MTCL1: variants seen among roughly 807,000 people sequenced by gnomAD.
The protein encoded by MTCL1 is microtubule crosslinking factor 1.
Under a neutral mutation model 141.4 loss-of-function variants are expected in MTCL1, and 79 were observed. The observed-to-expected ratio is 0.56, with a 90% CI of 0.47 to 0.67. The LOEUF (loss-of-function observed/expected upper bound fraction) is 0.67, where lower values mean the gene tolerates loss of function less well. MTCL1 is among the 30% of genes least tolerant of loss of function. The pLI is 0.00. For missense variants in MTCL1, 2,177 were observed against 2,113.9 expected, an observed-to-expected ratio of 1.03 and a Z score of -0.59; for synonymous variants, 914 against 875.8, an observed-to-expected ratio of 1.04 and a Z score of -0.77.
At chr18:8,768,118 C>T (rs1311867289) in intron 4 of MTCL1, among the ~76,000 whole-genome samples, 1 of 152,076 alleles carries the variant, frequency 6.6e-6, no homozygotes, top group Non-Finnish European at 1.5e-5. Context: ...AAACAGATAG[C>T]AAAAAGAGTT....
In MTCL1 at chr18:8,792,983, T is replaced by C. The variant is rs1327074838; in HGVS notation, c.1888-15T>C. ...CTCATTTCCACTAAACCCCTTCCTT[T>C]ATCCCACCGATCAGCTCAGGGGCCC... On this transcript the variant is annotated splice_polypyrimidine_tract_variant and intron_variant, in intron 7 of 16. Coordinates refer to ENST00000359865, the Ensembl canonical transcript of MTCL1. 1.9e-6 allele frequency: 3 copies of C among 1,612,916 alleles called. No individual in the cohort carries two copies. The highest frequency in any genetic ancestry group is 2.5e-6 in the Non-Finnish European group (3 of 1,179,608).
chr18:8,761,333 G>A (rs1320756830), intron 4 of MTCL1, among the ~76,000 whole-genome samples: 1 of 152,154 alleles, frequency 6.6e-6, no homozygotes, highest in Non-Finnish European at 1.5e-5. Flanking sequence ...TTTTTATTGT[G>A]ATAAATACAC....
chr18:8,808,616 A>G (rs888446648), intron 11 of MTCL1, among the ~76,000 whole-genome samples: 5 of 152,224 alleles, frequency 3.3e-5, no homozygotes, highest in African/African-American at 9.6e-5. Flanking sequence ...ATGCTAGCTC[A>G]TTTGTAATAA....
intron 12 of MTCL1, among the ~76,000 whole-genome samples, chr18:8,815,793 A>G (rs2076636311): frequency 6.6e-6 from 1 of 152,144 alleles, no homozygotes; most frequent in South Asian, 2.1e-4. Flanking sequence ...TGACAGCCTC[A>G]GAACCCAGTC....
At chr18:8,827,714 CG>C (rs1169704937) in intron 15 of MTCL1, among the ~76,000 whole-genome samples, 2 of 152,148 alleles carry the variant, frequency 1.3e-5, no homozygotes, top group African/African-American at 4.8e-5. Flanking sequence ...AAGCATTAAC[CG>C]GCTGTGTCTG....
At chr18:8,767,710 C>A (rs1041212780) in intron 4 of MTCL1, among the ~76,000 whole-genome samples, 1 of 151,520 alleles carries the variant, frequency 6.6e-6, no homozygotes, top group South Asian at 2.1e-4. Flanking sequence ...TTGCATTACG[C>A]TAGGTCAATT....
At chr18:8,818,370 T>C (rs531840359) in intron 12 of MTCL1, among the ~76,000 whole-genome samples, 1 of 152,078 alleles carries the variant, frequency 6.6e-6, no homozygotes, top group Non-Finnish European at 1.5e-5. Context: ...CACTCAGTCA[T>C]ACCAGATCTT....
chr18:8,750,388 C>T (rs375286307), intron 4 of MTCL1, among the ~76,000 whole-genome samples: 3 of 152,198 alleles, frequency 2.0e-5, no homozygotes, highest in South Asian at 4.1e-4. Context: ...ACTGCCTAAG[C>T]GAAATATGCC....
At chr18:8,824,090 A>G (rs2076934419) in intron 14 of MTCL1, among the ~76,000 whole-genome samples, 1 of 152,194 alleles carries the variant, frequency 6.6e-6, no homozygotes, top group African/African-American at 2.4e-5. Context: ...AGGCACAGGC[A>G]GCCCCAGCCC....
chr18:8,809,744 A>G, intron 11 of MTCL1: 1 of 872,612 alleles, frequency 1.1e-6, no homozygotes, highest in Admixed American at 2.9e-5. Context: ...GCGATGGGCC[A>G]TCACTGAGAC....
chr18:8,769,684 GGCCAGGCT>G (rs896925748), intron 4 of MTCL1, among the ~76,000 whole-genome samples: 25 of 152,158 alleles, frequency 1.6e-4, no homozygotes, highest in African/African-American at 4.8e-4. Context: ...TCCACTTGCT[GGCCAGGCT>G]GTTGCCTTTG....
At chr18:8,747,418 G>C (rs1191488048) in intron 4 of MTCL1, among the ~76,000 whole-genome samples, 1 of 152,178 alleles carries the variant, frequency 6.6e-6, no homozygotes, top group Non-Finnish European at 1.5e-5. Flanking sequence ...AAGGCCCTAG[G>C]GGAGAGTCTG....
intron 4 of MTCL1, among the ~76,000 whole-genome samples, chr18:8,758,249 C>T (rs1239066600): frequency 1.3e-5 from 2 of 152,234 alleles, no homozygotes; most frequent in Middle Eastern, 3.4e-3. Context: ...TCTCAAACTC[C>T]TGACCTTAGG....
exon 15 of MTCL1, chr18:8,825,820 C>T: frequency 6.2e-7 from 1 of 1,614,214 alleles, no homozygotes; most frequent in East Asian, 2.2e-5. Flanking sequence ...CCCGTGCACA[C>T]CACCATTAAT....
At chr18:8,705,585 ACGCCGCCGCCGCCGCCGC>A, upstream of MTCL1, 3 of 1,137,516 alleles carry the variant, frequency 2.6e-6, no homozygotes, top group Admixed American at 4.7e-5. The surrounding 1 kb of genome is among the most constrained non-coding windows in gnomAD (Gnocchi z 5.2). Flanking sequence ...GGGAGGCTGC[ACGCCGCCGCCGCCGCCGC>A]CGCCGCCGTC....
chr18:8,760,665 CTTTT>C (rs1567989859), intron 4 of MTCL1, among the ~76,000 whole-genome samples: 1 of 151,956 alleles, frequency 6.6e-6, no homozygotes, highest in African/African-American at 2.4e-5. Context: ...TCCTTTCTTT[CTTTT>C]TTCTTCCCAT....
At chr18:8,756,832 A>G (rs913623086) in intron 4 of MTCL1, among the ~76,000 whole-genome samples, 1 of 152,194 alleles carries the variant, frequency 6.6e-6, no homozygotes, top group Non-Finnish European at 1.5e-5. Context: ...GAATATATTT[A>G]GTGGGCAAGG....
intron 4 of MTCL1, among the ~76,000 whole-genome samples, chr18:8,754,386 A>C (rs2096386950): frequency 1.3e-5 from 2 of 152,194 alleles, no homozygotes; most frequent in South Asian, 4.1e-4. Context: ...TTTATTTTTA[A>C]GCAAGCATCT....
chr18:8,727,808 TTCTG>T (rs530463459), intron 4 of MTCL1, among the ~76,000 whole-genome samples: 24 of 152,054 alleles, frequency 1.6e-4, no homozygotes, highest in Non-Finnish European at 3.4e-4. Flanking sequence ...TTGAGTTTAT[TTCTG>T]TCATTGCATT....
Sources: gnomAD v4.1 joint callset for allele counts (sites outside exome capture counted in the v4.1 genomes callset) on GRCh38, gnomAD v4.1.1 for gene constraint, Gnocchi (gnomAD v3.1) non-coding constraint, MANE v1.5 for transcripts, NCBI Gene and HGNC (gene_info 2026-07-23, HGNC 2026-07-21) for gene names.